RP1: variants seen among roughly 807,000 people sequenced by gnomAD.
RP1 encodes RP1 axonemal microtubule associated, also known as oxygen-regulated protein 1.
A neutral mutation model predicts 14.8 loss-of-function variants in RP1; 16 were observed. The ratio of observed to expected loss-of-function variants is 1.08; its 90% CI spans 0.73 to 1.65. The LOEUF (loss-of-function observed/expected upper bound fraction) is 1.65, where lower values mean the gene tolerates loss of function less well. RP1 is among the 40% of genes most tolerant of loss of function. The pLI, the probability that RP1 is intolerant of heterozygous loss-of-function variation, is 0.00. For synonymous variants in RP1, 876 were observed against 883.6 expected (o/e 0.99, Z 0.15); for missense variants, 2,631 against 2,535.0 (o/e 1.04, Z -0.81).
At chr8:54,639,635 A>AT (rs1806419780) in intron 3 of RP1, among the ~76,000 whole-genome samples, 1 of 152,068 alleles carries the variant, frequency 6.6e-6, no homozygotes, top group African/African-American at 2.4e-5. Context: ...TTTAATTTGC[A>AT]TTTTTCTAAT....
At chr8:54,647,507 T>C (rs1806573968) in intron 3 of RP1, among the ~76,000 whole-genome samples, 1 of 152,216 alleles carries the variant, frequency 6.6e-6, no homozygotes, top group Non-Finnish European at 1.5e-5. Context: ...CCTTTGGTTA[T>C]TTATTTTAAT....
rs749428834 is a variant in RP1 at position 54,652,777 on chromosome 8, T to C, written c.952-3T>C. On this transcript the variant is annotated splice_region_variant and splice_polypyrimidine_tract_variant and intron_variant, in intron 4 of 22. Coordinates refer to the RP1 transcript ENST00000636932. ...TGAAAGTTGTTCCCTTGGCTCTTCA[T>C]AGATAACAGTTGGAGACATTGGAGC... The C allele has an allele frequency of 4.0e-5, 61 of 1,533,900 alleles. No homozygotes were observed. In the South Asian group the frequency reaches 6.5e-4, roughly 16 times the overall value.
rs79283191 is a variant in RP1 at position 54,661,689 on chromosome 8, G to A, written c.1172-2010G>A. ...AGTGCAGAACCGTGTTTGAATTCAC[G>A]GAATTCTTGAATTAGAATCTTTTTC... On this transcript the variant is annotated intron_variant, in intron 6 of 22. Coordinates refer to the RP1 transcript ENST00000636932. 7.7e-3 allele frequency among the ~76,000 whole-genome samples: 1,174 copies of A among 152,086 alleles called. 18 individuals are homozygous for A. The highest frequency in any genetic ancestry group is 0.027 in the African/African-American group (1,110 of 41,482).
exon 18 of RP1, chr8:54,734,718 C>A: frequency 6.5e-7 from 1 of 1,533,590 alleles, no homozygotes; most frequent in Admixed American, 2.0e-5. Context: ...GCAGCTCTTC[C>A]TTCCAGGACA....
intron 22 of RP1, among the ~76,000 whole-genome samples, chr8:54,767,294 A>C (rs1391694341): frequency 6.6e-6 from 1 of 152,116 alleles, no homozygotes; most frequent in Non-Finnish European, 1.5e-5. Flanking sequence ...TTGCACAAGT[A>C]GTAGATGTTG....
At chr8:54,651,703 C>G (rs1228849866) in intron 4 of RP1, among the ~76,000 whole-genome samples, 3 of 152,036 alleles carry the variant, frequency 2.0e-5, no homozygotes, top group Admixed American at 6.6e-5. Flanking sequence ...AATAACCAAA[C>G]ATTAATTTAT....
intron 19 of RP1, among the ~76,000 whole-genome samples, chr8:54,750,485 C>G (rs543029056): frequency 1.6e-4 from 25 of 152,278 alleles, no homozygotes; most frequent in Admixed American, 7.2e-4. Context: ...TTACAATATT[C>G]CTAAGTATCA....
In RP1 at chr8:54,598,805, T is replaced by C. The variant is rs1048463193; in HGVS notation, c.-12-22150T>C. Among the ~76,000 whole-genome samples, 5 of 152,246 alleles carry C rather than the reference T, an allele frequency of 3.3e-5. No individual in the cohort carries two copies. The East Asian group carries it at 9.6e-4, about 29-fold the overall frequency. On this transcript the variant is annotated intron_variant, in intron 1 of 22. Coordinates refer to the RP1 transcript ENST00000636932. ...GGTTGCAATATCCTTCGGAGCTTCT[T>C]GACTTTTGATGAGAAGTCGGCTGTC...
At chr8:54,622,516 T>C (rs1430946391) in intron 3 of RP1, among the ~76,000 whole-genome samples, 1 of 152,218 alleles carries the variant, frequency 6.6e-6, no homozygotes, top group Non-Finnish European at 1.5e-5. Flanking sequence ...CTATTTAAAT[T>C]GATGATGTGT....
At chr8:54,671,865 G>A (rs1468548417) in intron 7 of RP1, among the ~76,000 whole-genome samples, 16 of 151,842 alleles carry the variant, frequency 1.1e-4, no homozygotes, top group Admixed American at 7.9e-4. Context: ...TTCTTTGATC[G>A]GGCCATGTTT....
At chr8:54,740,390 A>G (rs1809047398) in intron 19 of RP1, among the ~76,000 whole-genome samples, 1 of 143,808 alleles carries the variant, frequency 7.0e-6, no homozygotes, top group Non-Finnish European at 1.5e-5. Context: ...TTTTAACAAG[A>G]AAGCTTAAAA....
chr8:54,751,238 T>C (rs1407064362), intron 19 of RP1, among the ~76,000 whole-genome samples: 3 of 152,214 alleles, frequency 2.0e-5, no homozygotes, highest in Non-Finnish European at 2.9e-5. Flanking sequence ...CCAAAAGGTG[T>C]TTTGATCTCA....
At chr8:54,595,382 G>A (rs1335944998) in intron 1 of RP1, among the ~76,000 whole-genome samples, 2 of 152,160 alleles carry the variant, frequency 1.3e-5, no homozygotes, top group African/African-American at 2.4e-5. Flanking sequence ...GCCCGCCTCA[G>A]CCTCCCAAAG....
intron 6 of RP1, among the ~76,000 whole-genome samples, chr8:54,661,692 AT>A (rs1446580981): frequency 6.6e-6 from 1 of 152,148 alleles, no homozygotes; most frequent in African/African-American, 2.4e-5. Context: ...AATTCACGGA[AT>A]TCTTGAATTA....
chr8:54,824,249 G>T (rs1463078316), intron 24 of RP1, among the ~76,000 whole-genome samples: 1 of 151,898 alleles, frequency 6.6e-6, no homozygotes, highest in African/African-American at 2.4e-5. Context: ...TATTGCAGAC[G>T]TTGAAAAGAA....
At position 54,630,141 on chromosome 8, in the gene RP1, G is replaced by C. The variant is rs1304948503; in HGVS notation, c.6259G>C (p.Val2087Leu). The stretch of plus-strand genomic sequence containing the variant: ...CTCAAGAACAAATCTCAACCAAGTA[G>C]TAAGAGAAAATATCAACTGTCATTA... Reference protein sequence around the residue: ...QGSRTNLNQVVRENINCHYFF... With the variant: ...QGSRTNLNQVLRENINCHYFF... The change falls in exon 4 of 4, where the codon GTA (valine) becomes CTA (leucine). Residue 2087 changes from valine to leucine, a missense_variant. Coordinates refer to ENST00000220676, the MANE Select transcript of RP1 (RefSeq NM_006269.2). 4.3e-6 allele frequency: 7 copies of C among 1,613,814 alleles called. No homozygotes were observed. Among genetic ancestry groups the C allele is most frequent in the Non-Finnish European group, 5.9e-6 (7 of 1,179,914 alleles).
chr8:54,654,026 C>T (rs1806707474), intron 5 of RP1, among the ~76,000 whole-genome samples: 3 of 152,242 alleles, frequency 2.0e-5, no homozygotes, highest in South Asian at 4.1e-4. Context: ...TTTCTATTGT[C>T]TTTCTCTCTA....
At chr8:54,604,045 A>G (rs7831706) in intron 1 of RP1, among the ~76,000 whole-genome samples, 43,679 of 151,770 alleles carry the variant, frequency 0.29, 7,661 homozygotes, top group Middle Eastern at 0.48. Flanking sequence ...CTCCTGCCTG[A>G]TTGCCCTGGC....
rs1438155422 is a variant in RP1, at chr8:54,621,088, A to T, written c.122A>T (p.Tyr41Phe). Residue 41 changes from tyrosine to phenylalanine, a missense_variant, in exon 2 of 4, where the codon TAC becomes TTC. Coordinates refer to ENST00000220676, the MANE Select transcript of RP1 (RefSeq NM_006269.2). ...HPVVAKRISF[Y>F]KSGDPQFGGV... ...GTTGTGGCCAAGCGAATCAGTTTCT[A>T]CAAGAGCGGAGACCCCCAATTCGGC... 6.2e-7 allele frequency: 1 copy of T among 1,614,118 alleles called. No homozygotes were observed. The highest frequency in any genetic ancestry group is 1.1e-5 in the South Asian group (1 of 91,074).
Sources: allele counts gnomAD v4.1 joint callset (sites outside exome capture counted in the v4.1 genomes callset), GRCh38; gene constraint gnomAD v4.1.1; transcripts MANE v1.5; gene names NCBI Gene and HGNC (gene_info 2026-07-23, HGNC 2026-07-21).